The following NAGK variants were observed in gnomAD, a reference collection of about 807,000 sequenced individuals.
NAGK encodes the protein N-acetylglucosamine kinase.
NAGK carries 35 observed loss-of-function variants against 42.9 expected under a neutral mutation model. The ratio of observed to expected loss-of-function variants is 0.82; its 90% CI spans 0.62 to 1.08. The LOEUF is 1.08. Among genes scored for constraint, NAGK ranks in the 50% least tolerant of loss-of-function variants. The probability of loss-of-function intolerance (pLI) is 0.00; values close to 1 mark genes in which losing one functional copy is unlikely to be tolerated. For synonymous variants in NAGK, 172 were observed against 176.0 expected, an observed-to-expected ratio of 0.98 and a Z score of 0.18; for missense variants, 446 against 446.0, an observed-to-expected ratio of 1.00 and a Z score of 0.00.
Position 71,070,532 on chromosome 2 carries a change from C to G in NAGK, c.60C>G (p.Val20=), listed in dbSNP as rs1225924880. ...GGGTRSEVLL[V]SEDGKILAEA... The stretch of plus-strand genomic sequence containing the variant: ...GCACACGATCCGAGGTCCTTTTAGT[C>G]TCAGAGGATGGGAAGATCCTGGCAG... The change falls in exon 2 of 10, where the codon GTC becomes GTG. Residue 20 remains valine (V), a synonymous_variant. Coordinates refer to ENST00000244204, the MANE Select transcript of NAGK (RefSeq NM_017567.6). 6 of 1,613,956 alleles carry G rather than the reference C, an allele frequency of 3.7e-6. No individual in the cohort carries two copies. The highest frequency in any genetic ancestry group is 5.1e-6 in the Non-Finnish European group (6 of 1,179,986).
chr2:71,075,321 C>T, intron 6 of NAGK: 2 of 452,178 alleles, frequency 4.4e-6, no homozygotes, highest in South Asian at 4.3e-5. Flanking sequence ...TTGGTTAACA[C>T]AAATCTGTTC....
At chr2:71,073,666 G>C in intron 6 of NAGK, 72 bp downstream of exon 6, 1 of 1,258,676 alleles carries the variant, frequency 7.9e-7, no homozygotes, top group African/African-American at 1.5e-5. Flanking sequence ...AAGAGTGGAT[G>C]CAGGGGAGGG....
At chr2:71,072,848 G>T (rs946509724) in intron 5 of NAGK, 97 bp downstream of exon 5, 1 of 1,094,314 alleles carries the variant, frequency 9.1e-7, no homozygotes, top group Non-Finnish European at 1.4e-6. Flanking sequence ...GAGCCCTTGG[G>T]GCTTCCTGGG....
upstream of NAGK, chr2:71,068,503 G>C: frequency 1.4e-6 from 2 of 1,431,680 alleles, no homozygotes; most frequent in South Asian, 1.4e-5. Flanking sequence ...ACAGCCTGAG[G>C]GACGCAGCCA....
intron 3 of NAGK, 133 bp from the exon 4 acceptor site, chr2:71,071,553 G>C: frequency 8.0e-7 from 1 of 1,251,910 alleles, no homozygotes; most frequent in Middle Eastern, 2.8e-4. Context: ...TGGGGAGAAA[G>C]GAGGACTGGG....
At position 71,073,463 on chromosome 2, in the gene NAGK, C is replaced by T. The variant is rs370970545; in HGVS notation, c.467-19C>T. 12 of 1,567,952 alleles carry T rather than the reference C, an allele frequency of 7.7e-6. No homozygotes were observed. The African/African-American group carries it at 1.5e-4, about 19-fold the overall frequency. ...AGGATGACTGCTCCCATCTTCTTAGCCCTCTCTGCTCCCTGCAGCCTACTG... is the reference window on the plus strand; with the variant it reads ...AGGATGACTGCTCCCATCTTCTTAGTCCTCTCTGCTCCCTGCAGCCTACTG... On this transcript the variant is annotated intron_variant, in intron 5 of 9. Transcript: ENST00000244204.
Position 71,070,817 on chromosome 2 carries a change from C to T in NAGK, c.191C>T (p.Pro64Leu), listed in dbSNP as rs1425689825. Reference protein sequence around the residue: ...NRAKRKAGVDPLVPLRSLGLS... With the variant: ...NRAKRKAGVDLLVPLRSLGLS... The stretch of plus-strand genomic sequence containing the variant: ...GCCAAACGGAAAGCAGGGGTGGATC[C>T]TCTGGTACCGCTGCGAAGCTTGGTG... The change falls in exon 3 of 10, where the codon CCT (proline) becomes CTT (leucine). Residue 64 changes from proline to leucine, a missense_variant. Physicochemically the swap from Pro to Leu is moderately conservative, Grantham distance 98 (BLOSUM62 -3). Transcript: ENST00000244204. The T allele has an allele frequency of 3.1e-6, 5 of 1,614,146 alleles. No homozygotes were observed. In the Admixed American group the frequency reaches 8.3e-5, roughly 27 times the overall value.
rs149375267 is a variant in NAGK, at chr2:71,072,714, C to T, written c.429C>T (p.Cys143=). 2.2e-4 allele frequency: 348 copies of T among 1,612,770 alleles called. 2 individuals carry two copies. The African/African-American group carries it at 4.2e-3, about 19-fold the overall frequency. The change falls in exon 5 of 10, where the codon TGC becomes TGT. Residue 143 remains cysteine (C), a synonymous_variant. Coordinates refer to ENST00000244204, the MANE Select transcript of NAGK (RefSeq NM_017567.6). The part of the protein sequence containing the change: ...LINPDGSESG[C]GGWGHMMGDE... ...ACCCTGATGGCTCCGAGAGTGGCTGCGGCGGCTGGGGCCATATGATGGGTG... is the reference window on the plus strand; with the variant it reads ...ACCCTGATGGCTCCGAGAGTGGCTGTGGCGGCTGGGGCCATATGATGGGTG...
At chr2:71,068,346 G>A, upstream of NAGK, 3 of 664,032 alleles carry the variant, frequency 4.5e-6, no homozygotes, top group African/African-American at 1.9e-5. Flanking sequence ...GGTCAGTGAT[G>A]TGTCCTAAGG....
chr2:71,077,738 C>T, intron 9 of NAGK, 102 bp downstream of exon 9: 1 of 1,293,620 alleles, frequency 7.7e-7, no homozygotes, highest in Non-Finnish European at 1.1e-6. Flanking sequence ...GCTTCCTGGA[C>T]CCTGAGGCCT....
At chr2:71,072,806 C>G in intron 5 of NAGK, 55 bp downstream of exon 5, 2 of 1,483,406 alleles carry the variant, frequency 1.3e-6, no homozygotes, top group Non-Finnish European at 1.9e-6. Flanking sequence ...TTCCTTCACT[C>G]CCTGTCTTTC....
At chr2:71,071,095 G>C in intron 3 of NAGK, 1 of 490,428 alleles carries the variant, frequency 2.0e-6, no homozygotes, top group Non-Finnish European at 3.7e-6. Context: ...CTCAGTATCT[G>C]CGTAACCCTG....
intron 1 of NAGK, chr2:71,069,023 T>C (rs1239217002): frequency 8.9e-7 from 1 of 1,120,344 alleles, no homozygotes; most frequent in African/African-American, 1.6e-5. Context: ...CTTTTTCCTA[T>C]TCCTGACCTC....
chr2:71,074,350 G>T (rs539505108), intron 6 of NAGK, among the ~76,000 whole-genome samples: 6 of 152,128 alleles, frequency 3.9e-5, no homozygotes, highest in Non-Finnish European at 7.4e-5. Context: ...AGAGGGGCCC[G>T]GCTAGGCCAA....
At chr2:71,075,845 A>T in intron 7 of NAGK, 1 of 581,106 alleles carries the variant, frequency 1.7e-6, no homozygotes, top group Non-Finnish European at 3.1e-6. Flanking sequence ...GTTTTGTATT[A>T]CCTGTGTTTT....
Position 71,077,618 on chromosome 2 carries a change from T to A in NAGK, c.826T>A (p.Trp276Arg). 6.2e-7 allele frequency: 1 copy of A among 1,607,438 alleles called. No individual in the cohort carries two copies. Among genetic ancestry groups the A allele is most frequent in the Non-Finnish European group, 8.5e-7 (1 of 1,177,046 alleles). ...GTGCGTGGGCTCTGTGTGGAAGAGCTGGGAGCTGCTGAAGGAAGGTGAGCC... is the reference window on the plus strand; with the variant it reads ...GTGCGTGGGCTCTGTGTGGAAGAGCAGGGAGCTGCTGAAGGAAGGTGAGCC... ...ILCVGSVWKS[W>R]ELLKEGFLLA... is the part of the protein sequence containing the mutation. The change falls in exon 9 of 10, where the codon TGG becomes AGG. Residue 276 changes from tryptophan (W) to arginine (R), a missense_variant. By Grantham distance (101) the Trp-to-Arg change is moderately radical. Coordinates refer to ENST00000244204, the MANE Select transcript of NAGK (RefSeq NM_017567.6).
chr2:71,076,460 C>T (rs1464471331), intron 7 of NAGK, 144 bp from the exon 8 acceptor site: 6 of 620,878 alleles, frequency 9.7e-6, no homozygotes, highest in Non-Finnish European at 1.7e-5. Context: ...TCTCCACCTG[C>T]CACGAGGCGG....
In NAGK at chr2:71,070,851, G is replaced by A. The variant is rs762111687; in HGVS notation, c.213+12G>A. 1 of 1,613,980 alleles carries A rather than the reference G, an allele frequency of 6.2e-7. No homozygotes were observed. Among genetic ancestry groups the A allele is most frequent in the South Asian group, 1.1e-5 (1 of 91,070 alleles). On this transcript the variant is annotated intron_variant, in intron 3 of 9. Coordinates refer to ENST00000244204, the MANE Select transcript of NAGK (RefSeq NM_017567.6). ...CGCTGCGAAGCTTGGTGAGTCTGGG[G>A]CGGAGCCTGGGAATTCAGCCATCTG...
At position 71,072,760 on chromosome 2, in the gene NAGK, A is replaced by G. The variant is rs754211955; in HGVS notation, c.466+9A>G. ...GGGTGATGAGGGTTCAGGTGAGCTC[A>G]CTGACTGGCCCAGCTCCAGGTCCTG... On this transcript the variant is annotated intron_variant, in intron 5 of 9. Coordinates refer to ENST00000244204, the MANE Select transcript of NAGK (RefSeq NM_017567.6). The G allele has an allele frequency of 5.0e-6, 8 of 1,608,576 alleles. No homozygotes were observed. Among genetic ancestry groups the G allele is most frequent in the Non-Finnish European group, 3.4e-6 (4 of 1,175,468 alleles).
Sources: allele counts gnomAD v4.1 joint callset (sites outside exome capture counted in the v4.1 genomes callset), GRCh38; gene constraint gnomAD v4.1.1; transcripts MANE v1.5; gene names NCBI Gene and HGNC (gene_info 2026-07-23, HGNC 2026-07-21).